The following NUP214 variants were observed in gnomAD, a reference collection of about 807,000 sequenced individuals.
The protein encoded by NUP214 is nuclear pore complex protein Nup214.
Under a neutral mutation model 196.2 loss-of-function variants are expected in NUP214, and 79 were observed. The ratio of observed to expected loss-of-function variants is 0.40; its 90% CI spans 0.34 to 0.49. The LOEUF (loss-of-function observed/expected upper bound fraction) is 0.49. Among genes scored for constraint, NUP214 ranks in the 20% least tolerant of loss-of-function variants. The pLI, the probability that NUP214 is intolerant of heterozygous loss-of-function variation, is 0.58. For synonymous variants in NUP214, 1,020 were observed against 990.5 expected (o/e 1.03, Z -0.56); for missense variants, 2,468 against 2,539.0 (o/e 0.97, Z 0.60).
intron 11 of NUP214, among the ~76,000 whole-genome samples, chr9:131,142,411 G>A (rs371871391): frequency 1.3e-4 from 20 of 152,344 alleles, no homozygotes; most frequent in African/African-American, 4.3e-4. Context: ...GAGCCCCTGC[G>A]GGGAGAAAGT....
intron 17 of NUP214, among the ~76,000 whole-genome samples, chr9:131,152,597 C>G (rs142628532): frequency 0.023 from 3,461 of 152,120 alleles, 51 homozygotes; most frequent in Non-Finnish European, 0.029. Context: ...GCCTTCAAAG[C>G]CAGCTGCTCT....
chr9:131,228,439 C>T (rs1834785836), intron 33 of NUP214, 108 bp downstream of exon 33: 1 of 1,114,150 alleles, frequency 9.0e-7, no homozygotes, highest in Admixed American at 3.4e-5. Flanking sequence ...GAAGGCCCCT[C>T]CCTTGAAATT....
chr9:131,193,610 T>TGATA (rs1310165033), intron 27 of NUP214, among the ~76,000 whole-genome samples: 1 of 148,178 alleles, frequency 6.7e-6, no homozygotes, highest in Non-Finnish European at 1.5e-5. Flanking sequence ...TTCTGTGAAA[T>TGATA]GATATTCTTC....
rs561815665 is a variant in NUP214, at chr9:131,177,258, A to G, written c.3320-1053A>G. On this transcript the variant is annotated intron_variant, in intron 23 of 35. Transcript: ENST00000359428. Reference sequence around the variant, plus strand: ...TAACATATATATTGAAGAACAAAACAAAGATAACTTTTGAGGTACCTTTGG... The same window carrying G: ...TAACATATATATTGAAGAACAAAACGAAGATAACTTTTGAGGTACCTTTGG... 4.7e-4 allele frequency among the ~76,000 whole-genome samples: 72 copies of G among 152,340 alleles called. No individual in the cohort carries two copies. In the South Asian group the frequency reaches 0.014, roughly 30 times the overall value.
intron 10 of NUP214, 24 bp downstream of exon 10, chr9:131,139,431 G>C (rs1186622769): frequency 1.3e-6 from 2 of 1,598,992 alleles, no homozygotes; most frequent in South Asian, 2.3e-5. Context: ...GGTAGTTAGT[G>C]CAGAAATAGT....
chr9:131,185,960 TTGC>T (rs1833440872), intron 24 of NUP214, among the ~76,000 whole-genome samples: 1 of 152,362 alleles, frequency 6.6e-6, no homozygotes, highest in South Asian at 2.1e-4. Flanking sequence ...TTTGGATAAA[TTGC>T]TGCTTTTATT....
chr9:131,172,592 A>G (rs1028177291), intron 21 of NUP214, among the ~76,000 whole-genome samples: 1 of 152,190 alleles, frequency 6.6e-6, no homozygotes, highest in African/African-American at 2.4e-5. Flanking sequence ...TTGTTGTCCA[A>G]CAGGGTAGCT....
intron 33 of NUP214, 105 bp downstream of exon 33, chr9:131,228,436 C>G: frequency 8.8e-7 from 1 of 1,137,878 alleles, no homozygotes; most frequent in South Asian, 1.7e-5. Flanking sequence ...GGTGAAGGCC[C>G]CTCCCTTGAA....
chr9:131,198,829 A>C lies in NUP214; in HGVS notation c.5335A>C (p.Ser1779Arg), dbSNP rs1245120014. The change falls in exon 29 of 36, where the codon AGT becomes CGT. Residue 1779 changes from serine (S) to arginine (R), a missense_variant. This residue lies in a region of NUP214 where 1,801 missense variants were observed against 1,779.4 expected (regional missense o/e 1.01). Coordinates refer to ENST00000359428, the MANE Select transcript of NUP214 (RefSeq NM_005085.4). ...GSVFGAASSTSSSSSFSFGQS... is the reference protein window; with the variant it reads ...GSVFGAASSTRSSSSFSFGQS... ...TGTCTTTGGTGCCGCCTCAAGTACC[A>C]GTAGCTCCAGTTCCTTCTCATTTGG... 1 of 1,614,088 alleles carries C rather than the reference A, an allele frequency of 6.2e-7. No homozygotes were observed. Among genetic ancestry groups the C allele is most frequent in the African/African-American group, 1.3e-5 (1 of 74,920 alleles).
chr9:131,198,491 C>G lies in NUP214; in HGVS notation c.4997C>G (p.Thr1666Ser). Residue 1666 changes from threonine to serine, a missense_variant, in exon 29 of 36, where the codon ACT becomes AGT. Coordinates refer to ENST00000359428, the MANE Select transcript of NUP214 (RefSeq NM_005085.4). ...AACCAGCTCACCAACAACACAGCCA[C>G]TGCCCCCTCTGCCACGCCCGTGTTT... ...AFNQLTNNTA[T>S]APSATPVFGQ... 6.2e-7 allele frequency: 1 copy of G among 1,614,264 alleles called. No homozygotes were observed. The highest frequency in any genetic ancestry group is 8.5e-7 in the Non-Finnish European group (1 of 1,180,046).
intron 14 of NUP214, among the ~76,000 whole-genome samples, chr9:131,148,411 C>T (rs1292221803): frequency 1.3e-5 from 2 of 152,170 alleles, no homozygotes; most frequent in African/African-American, 4.8e-5. Context: ...GTATGTAGCA[C>T]TGCTATGACC....
intron 21 of NUP214, among the ~76,000 whole-genome samples, chr9:131,172,872 C>T (rs1832999149): frequency 6.6e-6 from 1 of 152,016 alleles, no homozygotes; most frequent in Non-Finnish European, 1.5e-5. Context: ...TTTTAAATAA[C>T]TTGGGGAGGG....
chr9:131,219,304 C>T (rs1340373331), intron 31 of NUP214, among the ~76,000 whole-genome samples: 1 of 152,218 alleles, frequency 6.6e-6, no homozygotes, highest in African/African-American at 2.4e-5. Context: ...CTCTGATTGG[C>T]CTTGTTTACA....
intron 24 of NUP214, among the ~76,000 whole-genome samples, chr9:131,185,011 C>G (rs1833413953): frequency 1.3e-5 from 2 of 152,128 alleles, no homozygotes; most frequent in African/African-American, 4.8e-5. Context: ...TTAAGATTTA[C>G]CAAAATAAAA....
chr9:131,175,870 G>GTT (rs565219993), intron 23 of NUP214: 90 of 373,282 alleles, frequency 2.4e-4, no homozygotes, highest in Middle Eastern at 7.4e-4. Context: ...AGTGGGGTTT[G>GTT]TTTTTTTTTT....
In NUP214 at chr9:131,233,582, C is replaced by T. The variant is rs1253072770; in HGVS notation, c.*95C>T. 49 of 1,366,122 alleles carry T rather than the reference C, an allele frequency of 3.6e-5. No individual in the cohort carries two copies. Among genetic ancestry groups the T allele is most frequent in the Non-Finnish European group, 4.7e-5 (45 of 967,000 alleles). The allele number at this position is 1,366,122 out of a possible 1,614,324, so 84.6% of individuals were successfully genotyped here. On this transcript the variant is annotated 3_prime_UTR_variant, in exon 36 of 36. Transcript: ENST00000359428. ...GAGCAGGCTGTTCAGACCGACGTTGCCATCAAAACACATACACCCAGAAAG... is the reference window on the plus strand; with the variant it reads ...GAGCAGGCTGTTCAGACCGACGTTGTCATCAAAACACATACACCCAGAAAG...
chr9:131,187,243 A>G lies in NUP214; in HGVS notation c.3420-46A>G, dbSNP rs763481344. 2.5e-5 allele frequency: 38 copies of G among 1,529,192 alleles called. No homozygotes were observed. The Middle Eastern group carries it at 5.1e-4, about 20-fold the overall frequency. 94.7% of individuals were successfully genotyped at this position (1,529,192 alleles called of 1,614,324 possible). A position where few individuals can be genotyped will look rare whatever the true frequency, so the allele number is the denominator to read the frequency against. On this transcript the variant is annotated intron_variant, in intron 24 of 35. Transcript: ENST00000359428. ...TGGCTTGAGAATGAATGTGATTTTT[A>G]CCTAGTCATGCCTTTCTCTGAGTGT...
chr9:131,179,037 G>T (rs1260261157), intron 24 of NUP214, among the ~76,000 whole-genome samples: 1 of 152,010 alleles, frequency 6.6e-6, no homozygotes, highest in East Asian at 1.9e-4. Flanking sequence ...CTCTTGCCCA[G>T]ACTGGAGTGC....
intron 31 of NUP214, 74 bp from the exon 32 acceptor site, chr9:131,222,704 C>T: frequency 2.0e-6 from 3 of 1,517,044 alleles, no homozygotes; most frequent in Non-Finnish European, 8.9e-7. Flanking sequence ...CCAACTGAGA[C>T]TTTTTCTGTG....
Sources: gnomAD v4.1 joint callset for allele counts (sites outside exome capture counted in the v4.1 genomes callset) on GRCh38, gnomAD v4.1.1 for gene constraint, gnomAD v4.1.1 regional missense constraint, MANE v1.5 for transcripts, NCBI Gene and HGNC (gene_info 2026-07-23, HGNC 2026-07-21) for gene names.